The following CLCN5 variants were observed in gnomAD, a reference collection of about 807,000 sequenced individuals.
CLCN5 encodes Cl-/H+ antiporter 5.
CLCN5 carries 17 observed loss-of-function variants against 54.0 expected under a neutral mutation model. That is an observed-to-expected ratio of 0.31 (90% CI 0.22 to 0.47). The LOEUF (loss-of-function observed/expected upper bound fraction) is 0.47, where lower values mean the gene tolerates loss of function less well. CLCN5 is among the 20% of genes least tolerant of loss of function. The pLI is 1.00. For synonymous variants in CLCN5, 222 were observed against 233.0 expected (o/e 0.95, Z 0.43); for missense variants, 448 against 646.7 (o/e 0.69, Z 3.33).
intron 4 of CLCN5, among the ~76,000 whole-genome samples, chrX:50,057,176 A>AGGACTCTCC (rs1557189069): frequency 1.8e-5 from 2 of 109,948 alleles, no homozygotes; most frequent in African/African-American, 3.3e-5. Context: ...CCGCTGGATC[A>AGGACTCTCC]TGGGTAAGTT....
intron 3 of CLCN5, among the ~76,000 whole-genome samples, chrX:49,954,110 T>C (rs1037915938): frequency 8.9e-6 from 1 of 111,906 alleles, no homozygotes; most frequent in East Asian, 2.8e-4. Flanking sequence ...TTAATGTCCA[T>C]GAGTTTTCCA....
At chrX:50,038,512 A>G (rs1346011834) in intron 3 of CLCN5, among the ~76,000 whole-genome samples, 6 of 111,820 alleles carry the variant, frequency 5.4e-5, no homozygotes, top group African/African-American at 9.7e-5. Context: ...ACCTGAGTCT[A>G]TTTGTGAGGA....
intron 3 of CLCN5, chrX:50,010,653 G>T: frequency 6.2e-6 from 1 of 161,892 alleles, no homozygotes. Context: ...TACAGGTACT[G>T]GAATCTCCTG....
intron 3 of CLCN5, among the ~76,000 whole-genome samples, chrX:49,930,270 T>C (rs1925576884): frequency 8.9e-6 from 1 of 112,142 alleles, no homozygotes; most frequent in African/African-American, 3.2e-5. Flanking sequence ...CATACACTTG[T>C]GGTGGGAATG....
chrX:50,085,879 T>C (rs1251058179), intron 9 of CLCN5, 101 bp from the exon 10 acceptor site: 13 of 719,219 alleles, frequency 1.8e-5, no homozygotes, highest in Non-Finnish European at 2.9e-5. Context: ...TAGAGGTATT[T>C]TTAAATGTTC....
intron 3 of CLCN5, among the ~76,000 whole-genome samples, chrX:50,004,874 C>T (rs1384684810): frequency 1.8e-5 from 2 of 111,435 alleles, no homozygotes; most frequent in African/African-American, 3.3e-5. Context: ...CGTGCCACTG[C>T]GCTCCAGCCT....
chrX:49,982,364 A>AG (rs1180719693), intron 3 of CLCN5, among the ~76,000 whole-genome samples: 3 of 110,432 alleles, frequency 2.7e-5, no homozygotes, highest in African/African-American at 6.6e-5. Flanking sequence ...AAGGTTGCTG[A>AG]GGGGGAAAAA....
Position 50,097,053 on chromosome X carries a change from A to G in CLCN5, c.*4834A>G, listed in dbSNP as rs1557195724. The stretch of plus-strand genomic sequence containing the variant: ...CCTCCTCGTACATCCTTATATATGG[A>G]AAAAAAAGTAAGAGTTCCTCAGATC... On this transcript the variant is annotated 3_prime_UTR_variant, in exon 15 of 15. Transcript: ENST00000376091. 8.9e-6 allele frequency: 1 copy of G among 111,891 alleles called. No homozygotes were observed. Among genetic ancestry groups the G allele is most frequent in the Non-Finnish European group, 1.9e-5 (1 of 53,159 alleles). 9.2% of individuals were successfully genotyped at this position (111,891 alleles called of 1,213,427 possible). A position where few individuals can be genotyped will look rare whatever the true frequency, so the allele number is the denominator to read the frequency against.
intron 7 of CLCN5, among the ~76,000 whole-genome samples, chrX:50,077,621 A>AGAGTGTGT (rs1345872952): frequency 6.4e-5 from 5 of 78,701 alleles, no homozygotes; most frequent in African/African-American, 2.7e-4. Context: ...AGAGAGAGAG[A>AGAGTGTGT]GTGTGTGTGT....
intron 7 of CLCN5, among the ~76,000 whole-genome samples, chrX:50,078,819 G>C (rs1557192568): frequency 1.8e-5 from 2 of 111,758 alleles, no homozygotes; most frequent in Non-Finnish European, 3.8e-5. Flanking sequence ...TCTAGGTTTT[G>C]GTTTTTGTTT....
At chrX:50,073,301 T>C (rs1933290766) in intron 6 of CLCN5, among the ~76,000 whole-genome samples, 1 of 111,660 alleles carries the variant, frequency 9.0e-6, no homozygotes, top group African/African-American at 3.3e-5. Context: ...GGCAAATCTG[T>C]AATCTTGAGC....
At chrX:49,982,159 C>A (rs1000679715) in intron 3 of CLCN5, among the ~76,000 whole-genome samples, 6 of 110,568 alleles carry the variant, frequency 5.4e-5, no homozygotes, top group Admixed American at 4.8e-4. Flanking sequence ...TTATAAAATC[C>A]CTTTGAATGA....
At chrX:49,953,506 A>G (rs782276582) in intron 3 of CLCN5, among the ~76,000 whole-genome samples, 8 of 110,187 alleles carry the variant, frequency 7.3e-5, no homozygotes, top group Non-Finnish European at 1.5e-4. Flanking sequence ...GTTTCTCACT[A>G]TGTTGCCCAG....
At chrX:49,950,988 A>T (rs1271367710) in intron 3 of CLCN5, among the ~76,000 whole-genome samples, 1 of 111,501 alleles carries the variant, frequency 9.0e-6, no homozygotes, top group Non-Finnish European at 1.9e-5. Context: ...CATTCTAGTT[A>T]TTTTTGGTAC....
At chrX:50,080,793 G>C in intron 8 of CLCN5, 77 bp downstream of exon 8, 1 of 832,343 alleles carries the variant, frequency 1.2e-6, no homozygotes, top group East Asian at 3.1e-5. Flanking sequence ...ATGTATTCCA[G>C]CACATACCAC....
At position 50,067,761 on chromosome X, in the gene CLCN5, G is replaced by T. The variant is rs957427726; in HGVS notation, c.164-2118G>T. Reference sequence around the variant, plus strand: ...GAAAAAAAGAAAACTGTGATTGAAGGTAAGCAGACTTGAGCCTGACCAAGG... The same window carrying T: ...GAAAAAAAGAAAACTGTGATTGAAGTTAAGCAGACTTGAGCCTGACCAAGG... On this transcript the variant is annotated intron_variant, in intron 4 of 14. Coordinates refer to ENST00000376091, the MANE Select transcript of CLCN5 (RefSeq NM_001127898.4). 98 of 747,085 alleles carry T rather than the reference G, an allele frequency of 1.3e-4. No homozygotes were observed. Among genetic ancestry groups the T allele is most frequent in the Non-Finnish European group, 1.5e-4 (94 of 634,191 alleles). The allele number at this position is 747,085 out of a possible 1,213,427, so 61.6% of individuals were successfully genotyped here.
intron 3 of CLCN5, among the ~76,000 whole-genome samples, chrX:50,035,031 A>C (rs1385883202): frequency 1.8e-5 from 2 of 111,088 alleles, no homozygotes; most frequent in East Asian, 5.7e-4. Context: ...TTGTTCATAG[A>C]CACCTTCCTT....
At chrX:49,969,023 T>C (rs113469109) in intron 3 of CLCN5, among the ~76,000 whole-genome samples, 1 of 111,140 alleles carries the variant, frequency 9.0e-6, no homozygotes, top group African/African-American at 3.3e-5. Flanking sequence ...TTGCTTTTCA[T>C]CTCTTAAATT....
chrX:50,015,237 AAG>A lies in CLCN5; in HGVS notation c.17-27072_17-27071del, dbSNP rs781922852. On this transcript the variant is annotated intron_variant, in intron 3 of 14. Transcript: ENST00000376091. ...AGACGGGCACAAATGATGGGGGCCAAAGAGAGAGTCTTCCTATTCCCCCCACT... is the reference window on the plus strand; with the variant it reads ...AGACGGGCACAAATGATGGGGGCCAAAGAGAGTCTTCCTATTCCCCCCACT... 2.7e-5 allele frequency among the ~76,000 whole-genome samples: 3 copies of A among 110,554 alleles called. No individual in the cohort carries two copies. In the East Asian group the frequency reaches 8.6e-4, roughly 32 times the overall value.
Sources: gnomAD v4.1 joint callset for allele counts (sites outside exome capture counted in the v4.1 genomes callset) on GRCh38, gnomAD v4.1.1 for gene constraint, MANE v1.5 for transcripts, NCBI Gene and HGNC (gene_info 2026-07-23, HGNC 2026-07-21) for gene names.